The following KCNK12 variants were observed in gnomAD, a reference collection of about 807,000 sequenced individuals.
KCNK12 encodes potassium channel subfamily K member 12.
Under a neutral mutation model 25.3 loss-of-function variants are expected in KCNK12, and 6 were observed. That is an observed-to-expected ratio of 0.24 (90% confidence interval 0.13 to 0.47). The LOEUF is 0.47. Among genes scored for constraint, KCNK12 ranks in the 20% least tolerant of loss-of-function variants. The probability of loss-of-function intolerance (pLI) is 0.99; values close to 1 mark genes in which losing one functional copy is unlikely to be tolerated. For missense variants in KCNK12, 444 were observed against 661.7 expected (o/e 0.67, Z 3.61); for synonymous variants, 331 against 311.1 (o/e 1.06, Z -0.67).
rs375737398 is a variant in KCNK12 at position 47,549,104 on chromosome 2, T to C, written c.391+20837A>G. On this transcript the variant is annotated intron_variant, in intron 1 of 1. Transcript: ENST00000327876. The stretch of plus-strand genomic sequence containing the variant: ...CAGGAAATCACAATTTCCAGAGAGC[T>C]GTAAACCAAACAATTTCCAGAGCCC... 6.8e-3 allele frequency among the ~76,000 whole-genome samples: 1,029 copies of C among 150,524 alleles called. 8 individuals are homozygous for C. Among genetic ancestry groups the C allele is most frequent in the African/African-American group, 0.025 (981 of 39,818 alleles).
chr2:47,512,716 T>TGGTGGACAGGGAGC lies in KCNK12; in HGVS notation c.*8190_*8191insGCTCCCTGTCCACC. On this transcript the variant is annotated 3_prime_UTR_variant, in exon 2 of 2. Coordinates refer to ENST00000327876, the MANE Select transcript of KCNK12 (RefSeq NM_022055.2). ...CTGAGCAAACTACATTTCCCAGAAC[T>TGGTGGACAGGGAGC]CCTTGTTGGATTCCTTCCAAACAGG... 1 of 307,972 alleles carries TGGTGGACAGGGAGC rather than the reference T, an allele frequency of 3.2e-6. No individual in the cohort carries two copies. Among genetic ancestry groups the TGGTGGACAGGGAGC allele is most frequent in the Non-Finnish European group, 6.0e-6 (1 of 166,558 alleles). The allele number at this position is 307,972 out of a possible 1,614,324, so 19.1% of individuals were successfully genotyped here.
chr2:47,535,131 G>A (rs1669037742), intron 1 of KCNK12: 2 of 231,510 alleles, frequency 8.6e-6, no homozygotes, highest in Admixed American at 5.6e-5. Context: ...GTGTCCCCAT[G>A]CTTGGTCTTC....
At position 47,521,008 on chromosome 2, in the gene KCNK12, G is replaced by A. The variant is rs879529261; in HGVS notation, c.1192C>T (p.Arg398Cys). The part of the protein sequence containing the change: ...QLSETANGYP[R>C]SVCVNTRQNG... Reference sequence around the variant, plus strand: ...TGGCGCGTGTTGACGCACACGCTGCGCGGGTAGCCGTTGGCCGTCTCCGAC... The same window carrying A: ...TGGCGCGTGTTGACGCACACGCTGCACGGGTAGCCGTTGGCCGTCTCCGAC... Residue 398 changes from arginine to cysteine, a missense_variant, in exon 2 of 2, where the codon CGC becomes TGC. Physicochemically the swap from Arg to Cys is radical, Grantham distance 180. Transcript: ENST00000327876. 1 of 1,394,650 alleles carries A rather than the reference G, an allele frequency of 7.2e-7. No individual in the cohort carries two copies. The highest frequency in any genetic ancestry group is 9.3e-7 in the Non-Finnish European group (1 of 1,071,458). 86.4% of individuals were successfully genotyped at this position (1,394,650 alleles called of 1,614,324 possible).
At chr2:47,532,732 T>G (rs1668961910) in intron 1 of KCNK12, among the ~76,000 whole-genome samples, 1 of 152,360 alleles carries the variant, frequency 6.6e-6, no homozygotes, top group Non-Finnish European at 1.5e-5. Context: ...CTGGCACTTT[T>G]AGGTGCCAGC....
At chr2:47,543,506 A>C (rs998099621) in intron 1 of KCNK12, 1 of 152,216 alleles carries the variant, frequency 6.6e-6, no homozygotes, top group African/African-American at 2.4e-5. Context: ...CAGAGACTCC[A>C]CAAGGGCTGA....
intron 1 of KCNK12, among the ~76,000 whole-genome samples, chr2:47,535,682 C>G (rs1405681934): frequency 6.6e-6 from 1 of 152,154 alleles, no homozygotes; most frequent in Non-Finnish European, 1.5e-5. Context: ...GGTGAGGAAA[C>G]CAAGGCTCAG....
At chr2:47,563,386 T>C (rs962013006) in intron 1 of KCNK12, 6 of 233,536 alleles carry the variant, frequency 2.6e-5, no homozygotes, top group South Asian at 1.8e-4. Flanking sequence ...GTGAGAATTA[T>C]GTGTGTAAGA....
chr2:47,512,330 C>A lies in KCNK12; in HGVS notation c.*8577G>T. 1 of 1,612,630 alleles carries A rather than the reference C, an allele frequency of 6.2e-7. No homozygotes were observed. Among genetic ancestry groups the A allele is most frequent in the Non-Finnish European group, 8.5e-7 (1 of 1,179,808 alleles). Reference sequence around the variant, plus strand: ...CCTCAGAGTGACAGAGCCAAAAGACCAGTGCCTCATTTTGCTGACATGGAA... The same window carrying A: ...CCTCAGAGTGACAGAGCCAAAAGACAAGTGCCTCATTTTGCTGACATGGAA... On this transcript the variant is annotated 3_prime_UTR_variant, in exon 2 of 2. Transcript: ENST00000327876.
At position 47,538,017 on chromosome 2, in the gene KCNK12, G is replaced by A. The variant is rs1271758829; in HGVS notation, c.392-16209C>T. 2.0e-5 allele frequency among the ~76,000 whole-genome samples: 3 copies of A among 152,288 alleles called. No homozygotes were observed. Among genetic ancestry groups the A allele is most frequent in the Admixed American group, 6.5e-5 (1 of 15,300 alleles). On this transcript the variant is annotated intron_variant, in intron 1 of 1. Coordinates refer to ENST00000327876, the MANE Select transcript of KCNK12 (RefSeq NM_022055.2). This position sits in a 1 kb window ranked among gnomAD's most constrained non-coding sequence, Gnocchi z 4.5. ...GTGGATAAGACTTTCCAGGGAGCAC[G>A]TGTGGTATGAGAATGAAGGCCCCTG...
At position 47,516,365 on chromosome 2, in the gene KCNK12, CCCAGCCTTGGCTCAGCCTGG is replaced by C. The variant is rs1668524925; in HGVS notation, c.*4522_*4541del. 6.6e-6 allele frequency among the ~76,000 whole-genome samples: 1 copy of C among 152,184 alleles called. No individual in the cohort carries two copies. The highest frequency in any genetic ancestry group is 2.1e-4 in the South Asian group (1 of 4,832). The stretch of plus-strand genomic sequence containing the variant: ...CCAGGTTGGATCCATCTCCCAGTCC[CCCAGCCTTGGCTCAGCCTGG>C]CCAAGCTGCCCAGGAGGTCCCTTGG... On this transcript the variant is annotated 3_prime_UTR_variant, in exon 2 of 2. Transcript: ENST00000327876.
chr2:47,552,786 A>AT (rs1186496532), intron 1 of KCNK12, among the ~76,000 whole-genome samples: 38 of 152,020 alleles, frequency 2.5e-4, no homozygotes, highest in Non-Finnish European at 1.8e-4. Context: ...AGAAAAAAAA[A>AT]GGAAAGAAAT....
At chr2:47,550,739 G>A (rs1669412337) in intron 1 of KCNK12, among the ~76,000 whole-genome samples, 1 of 151,878 alleles carries the variant, frequency 6.6e-6, no homozygotes, top group Admixed American at 6.5e-5. Context: ...GGTGCTAAAA[G>A]AAACAGGAAA....
At position 47,548,631 on chromosome 2, in the gene KCNK12, C is replaced by T. The variant is rs895714375; in HGVS notation, c.391+21310G>A. 1.3e-4 allele frequency among the ~76,000 whole-genome samples: 20 copies of T among 152,188 alleles called. No individual in the cohort carries two copies. Among genetic ancestry groups the T allele is most frequent in the African/African-American group, 4.3e-4 (18 of 41,442 alleles). On this transcript the variant is annotated intron_variant, in intron 1 of 1. Transcript: ENST00000327876. This position sits in a 1 kb window ranked among gnomAD's most constrained non-coding sequence, Gnocchi z 4.4. ...TGACTTTCGCTTCAGGCCACGAGGG[C>T]GTAGCTGAATCCAGACTTCCCTCCC...
chr2:47,552,857 A>T (rs1396593420), intron 1 of KCNK12, among the ~76,000 whole-genome samples: 2 of 152,162 alleles, frequency 1.3e-5, no homozygotes, highest in African/African-American at 4.8e-5. Context: ...ATGTCAAGAA[A>T]TGAGGGGGGA....
rs915298190 is a variant in KCNK12, at chr2:47,564,641, G to A, written c.391+5300C>T. The A allele has an allele frequency of 1.7e-5, 3 of 180,746 alleles. No individual in the cohort carries two copies. The East Asian group carries it at 2.7e-4, about 16-fold the overall frequency. The allele number at this position is 180,746 out of a possible 1,614,324, so 11.2% of individuals were successfully genotyped here. On this transcript the variant is annotated intron_variant, in intron 1 of 1. Coordinates refer to ENST00000327876, the MANE Select transcript of KCNK12 (RefSeq NM_022055.2). ...GCATGACAAGGAACTGCAGGGGAAC[G>A]TGCAGACATGAAGAGTTGTGTTAGT...
intron 1 of KCNK12, among the ~76,000 whole-genome samples, chr2:47,561,511 G>A (rs904594294): frequency 1.3e-5 from 2 of 152,186 alleles, no homozygotes; most frequent in African/African-American, 4.8e-5. Flanking sequence ...AGGCCCAGAG[G>A]ACTGGACCAT....
At position 47,509,524 on chromosome 2, in the gene KCNK12, T is replaced by A. The variant is rs1487098747; in HGVS notation, c.*11383A>T. 2.6e-5 allele frequency among the ~76,000 whole-genome samples: 4 copies of A among 152,226 alleles called. No homozygotes were observed. The highest frequency in any genetic ancestry group is 5.9e-5 in the Non-Finnish European group (4 of 68,034). On this transcript the variant is annotated 3_prime_UTR_variant, in exon 2 of 2. Coordinates refer to ENST00000327876, the MANE Select transcript of KCNK12 (RefSeq NM_022055.2). ...CTGGAGGTGGCCTGCTGTGTGCAGA[T>A]GGTACCTGGTGCAGGATTGTGGTGT...
Position 47,512,241 on chromosome 2 carries a change from C to A in KCNK12, c.*8666G>T. ...TACTCTGCAGATGTTTGCTGAGTAT[C>A]GTTCTTGATGGAAATCCCCGTGGAA... On this transcript the variant is annotated 3_prime_UTR_variant, in exon 2 of 2. Coordinates refer to ENST00000327876, the MANE Select transcript of KCNK12 (RefSeq NM_022055.2). The A allele has an allele frequency of 1.3e-6, 2 of 1,589,874 alleles. No homozygotes were observed. The highest frequency in any genetic ancestry group is 1.7e-6 in the Non-Finnish European group (2 of 1,166,164).
At position 47,569,978 on chromosome 2, in the gene KCNK12, G is replaced by T. The variant is rs1314191125; in HGVS notation, c.354C>A (p.Gly118=). 7.0e-7 allele frequency: 1 copy of T among 1,434,960 alleles called. No homozygotes were observed. Among genetic ancestry groups the T allele is most frequent in the Non-Finnish European group, 9.1e-7 (1 of 1,095,320 alleles). 88.9% of individuals were successfully genotyped at this position (1,434,960 alleles called of 1,614,324 possible). A position where few individuals can be genotyped will look rare whatever the true frequency, so the allele number is the denominator to read the frequency against. ...CCACGGTGCCCACGAAGTAGAAGGC[G>T]CCGGGGAAGTCCCAGCGCGGGCGCA... ...DALRPRWDFP[G]AFYFVGTVVS... The change falls in exon 1 of 2, where the codon GGC becomes GGA. Residue 118 remains glycine (G), a synonymous_variant. Coordinates refer to ENST00000327876, the MANE Select transcript of KCNK12 (RefSeq NM_022055.2). This position sits in a 1 kb window ranked among gnomAD's most constrained non-coding sequence, Gnocchi z 4.1.
Sources: gnomAD v4.1 joint callset for allele counts (sites outside exome capture counted in the v4.1 genomes callset) on GRCh38, gnomAD v4.1.1 for gene constraint, Gnocchi (gnomAD v3.1) non-coding constraint, MANE v1.5 for transcripts, NCBI Gene and HGNC (gene_info 2026-07-23, HGNC 2026-07-21) for gene names.